PLEC: variants seen among roughly 807,000 people sequenced by gnomAD.
The protein encoded by PLEC is hemidesmosomal protein 1.
PLEC carries 216 observed loss-of-function variants against 392.8 expected under a neutral mutation model. The observed-to-expected ratio is 0.55, with a 90% CI of 0.49 to 0.62. PLEC has a LOEUF of 0.62. PLEC is among the 20% of genes least tolerant of loss of function. The pLI is 0.00. For synonymous variants in PLEC, 3,621 were observed against 2,980.6 expected (o/e 1.21, Z -7.00); for missense variants, 6,863 against 6,563.4 (o/e 1.05, Z -1.58).
Position 143,924,413 on chromosome 8 carries a change from A to C in PLEC, c.5516T>G (p.Leu1839Arg), listed in dbSNP as rs1487158271. ...CCGCGTGGCCTCGCCGATGGCGGCC[A>C]GCTTCTCCGCAAGCACCCGCTCCGC... ...AEAERVLAEK[L>R]AAIGEATRLK... Residue 1839 changes from leucine (L) to arginine (R), a missense_variant, in exon 31 of 32, where the codon CTG (leucine) becomes CGG (arginine). Coordinates refer to ENST00000345136, the MANE Select transcript of PLEC (RefSeq NM_201384.3). 2 of 1,592,408 alleles carry C rather than the reference A, an allele frequency of 1.3e-6. No individual in the cohort carries two copies. Among genetic ancestry groups the C allele is most frequent in the Non-Finnish European group, 1.7e-6 (2 of 1,176,948 alleles).
In PLEC at chr8:143,928,017, C is replaced by T. The variant is rs1554709232; in HGVS notation, c.3261-25G>A. 5 of 1,579,236 alleles carry T rather than the reference C, an allele frequency of 3.2e-6. No homozygotes were observed. The Admixed American group carries it at 6.9e-5, about 22-fold the overall frequency. On this transcript the variant is annotated intron_variant, in intron 25 of 31. Coordinates refer to ENST00000345136, the MANE Select transcript of PLEC (RefSeq NM_201384.3). The stretch of plus-strand genomic sequence containing the variant: ...CCTGGCGGGAAAGCGGGGCTCAGGG[C>T]CATGACATGGGGCTCGAGCAATAGC...
At chr8:143,949,195 C>T (rs907918275) in intron 1 of PLEC, among the ~76,000 whole-genome samples, 1 of 152,246 alleles carries the variant, frequency 6.6e-6, no homozygotes, top group Non-Finnish European at 1.5e-5. Flanking sequence ...TGGGCCCCCT[C>T]CCCCACACCC....
upstream of PLEC, chr8:143,975,420 T>G: frequency 6.5e-7 from 1 of 1,543,600 alleles, no homozygotes; most frequent in Non-Finnish European, 8.8e-7. This position sits in a 1 kb window ranked among gnomAD's most constrained non-coding sequence, Gnocchi z 9.9. Context: ...TGTTCAGGAG[T>G]GGACTCTGCA....
upstream of PLEC, among the ~76,000 whole-genome samples, chr8:143,941,159 G>A (rs1032721425): frequency 5.3e-5 from 8 of 152,220 alleles, no homozygotes; most frequent in South Asian, 2.1e-4. Flanking sequence ...GCCAAGCCCC[G>A]CGCCTGCTGG....
At chr8:143,951,872 C>T (rs115499578), upstream of PLEC, among the ~76,000 whole-genome samples, 80 of 152,114 alleles carry the variant, frequency 5.3e-4, no homozygotes, top group Non-Finnish European at 7.9e-4. Flanking sequence ...TCCACCCCCC[C>T]CTCCCCGCCC....
At position 143,923,703 on chromosome 8, in the gene PLEC, G is replaced by C; in HGVS notation, c.6226C>G (p.Leu2076Val). ...TCCGCCTCGCCGCGCAGCTGGTCCA[G>C]CACGCTCTGCTCCTGCTGCAGCGTC... ...QQTLQQEQSV[L>V]DQLRGEAEAA... The change falls in exon 31 of 32, where the codon CTG (leucine) becomes GTG (valine). Residue 2076 changes from leucine (L) to valine (V), a missense_variant. Coordinates refer to ENST00000345136, the MANE Select transcript of PLEC (RefSeq NM_201384.3). The C allele has an allele frequency of 6.5e-7, 1 of 1,545,180 alleles. No homozygotes were observed. Among genetic ancestry groups the C allele is most frequent in the East Asian group, 2.4e-5 (1 of 41,246 alleles).
upstream of PLEC, among the ~76,000 whole-genome samples, chr8:143,956,552 C>G (rs1459876911): frequency 1.3e-5 from 2 of 152,178 alleles, no homozygotes; most frequent in African/African-American, 4.8e-5. Flanking sequence ...TGGGAGAGAG[C>G]AAGACTGACT....
At chr8:143,964,445 G>A (rs757712309) in intron 1 of PLEC, among the ~76,000 whole-genome samples, 2 of 152,124 alleles carry the variant, frequency 1.3e-5, no homozygotes, top group Non-Finnish European at 1.5e-5. Context: ...AGAGGGCCAC[G>A]GGAGGATGGA....
upstream of PLEC, chr8:143,942,447 G>C (rs781798005): frequency 6.2e-7 from 1 of 1,602,736 alleles, no homozygotes. Flanking sequence ...CGCAGCCCCC[G>C]TCCAGCCAGC....
chr8:143,964,724 A>T (rs1373525399), intron 1 of PLEC, among the ~76,000 whole-genome samples: 1 of 152,118 alleles, frequency 6.6e-6, no homozygotes, highest in Non-Finnish European at 1.5e-5. Flanking sequence ...ACAACCATGC[A>T]TTCTTGTGGC....
Position 143,933,114 on chromosome 8 carries a change from G to A in PLEC, c.1419-3C>T. On this transcript the variant is annotated splice_region_variant and splice_polypyrimidine_tract_variant and intron_variant, in intron 13 of 31. Transcript: ENST00000345136. ...GGCGCTCGTGCAGACGGTACACCCTGGGGCAGCAGAGGACTCAGGTAGGTG... is the reference window on the plus strand; with the variant it reads ...GGCGCTCGTGCAGACGGTACACCCTAGGGCAGCAGAGGACTCAGGTAGGTG... The A allele has an allele frequency of 6.3e-7, 1 of 1,598,192 alleles. No individual in the cohort carries two copies. Among genetic ancestry groups the A allele is most frequent in the South Asian group, 1.1e-5 (1 of 89,470 alleles).
rs1827418107 is a variant in PLEC, at chr8:143,931,995, A to G, written c.2120T>C (p.Met707Thr). The G allele has an allele frequency of 1.9e-6, 3 of 1,607,424 alleles. No homozygotes were observed. Among genetic ancestry groups the G allele is most frequent in the African/African-American group, 2.7e-5 (2 of 74,834 alleles). ...QAALQTQWSW[M>T]LQLCCCIEAH... ...CTCGATACAGCAGCACAGCTGTAGC[A>G]TCCAGCTCCACTGCGTCTGCAGGGC... Residue 707 changes from methionine to threonine, a missense_variant, in exon 18 of 32, where the codon ATG becomes ACG. Transcript: ENST00000345136.
At chr8:143,942,364 G>T, upstream of PLEC, 1 of 1,599,850 alleles carries the variant, frequency 6.3e-7, no homozygotes. Context: ...GGCCCCTTCT[G>T]TGCCACCGGC....
intron 1 of PLEC, among the ~76,000 whole-genome samples, chr8:143,962,687 T>C (rs1832922935): frequency 6.6e-6 from 1 of 152,220 alleles, no homozygotes; most frequent in Admixed American, 6.5e-5. Context: ...AAGGTGCTTC[T>C]CACATTGAAG....
chr8:143,926,673 G>C, intron 30 of PLEC, 111 bp downstream of exon 30: 4 of 897,702 alleles, frequency 4.5e-6, no homozygotes, highest in Non-Finnish European at 7.5e-6. Context: ...CCAGTGGGGA[G>C]AGTGGGGAGG....
In PLEC at chr8:143,917,005, G is replaced by T. The variant is rs782731014; in HGVS notation, c.12816C>A (p.Asp4272Glu). The change falls in exon 32 of 32, where the codon GAC becomes GAA. Residue 4272 changes from aspartate (D) to glutamate (E), a missense_variant. Transcript: ENST00000345136. ...CCACGGGGCCCGTCTCCTCAGTGGGGTCTGACCAGGAGGCCAGCTGGGTCC... is the reference window on the plus strand; with the variant it reads ...CCACGGGGCCCGTCTCCTCAGTGGGTTCTGACCAGGAGGCCAGCTGGGTCC... Reference protein sequence around the residue: ...VSRTQLASWSDPTEETGPVAG... With the variant: ...VSRTQLASWSEPTEETGPVAG... The T allele has an allele frequency of 6.2e-7, 1 of 1,612,824 alleles. No individual in the cohort carries two copies. The highest frequency in any genetic ancestry group is 1.1e-5 in the South Asian group (1 of 91,084).
intron 30 of PLEC, 117 bp downstream of exon 30, chr8:143,926,667 T>C: frequency 1.2e-6 from 1 of 863,508 alleles, no homozygotes; most frequent in Non-Finnish European, 2.0e-6. Flanking sequence ...GCAGCGCCAG[T>C]GGGGAGAGTG....
upstream of PLEC, among the ~76,000 whole-genome samples, chr8:143,952,300 C>A (rs1027357784): frequency 3.3e-5 from 5 of 152,248 alleles, no homozygotes; most frequent in African/African-American, 1.2e-4. Flanking sequence ...GTTCCCACAG[C>A]CCTCTGGCAG....
At chr8:143,931,108 G>A (rs868978168) in intron 19 of PLEC, among the ~76,000 whole-genome samples, 1 of 152,200 alleles carries the variant, frequency 6.6e-6, no homozygotes, top group Admixed American at 6.5e-5. Flanking sequence ...ATAGTACAAG[G>A]GCTGGCAGTG....
Sources: allele counts gnomAD v4.1 joint callset (sites outside exome capture counted in the v4.1 genomes callset), GRCh38; gene constraint gnomAD v4.1.1; non-coding constraint Gnocchi (gnomAD v3.1); transcripts MANE v1.5; gene names NCBI Gene and HGNC (gene_info 2026-07-23, HGNC 2026-07-21).